WDR70: variants seen among roughly 807,000 people sequenced by gnomAD.
The protein encoded by WDR70 is WD repeat-containing protein 70.
In WDR70, 53 loss-of-function variants were observed where a neutral mutation model predicts 88.6. The ratio of observed to expected loss-of-function variants is 0.60; its 90% CI spans 0.48 to 0.75. WDR70 has a LOEUF of 0.75. Ranked by LOEUF, WDR70 falls within the 30% of genes least tolerant of loss-of-function variation. The pLI is 0.00. For missense variants in WDR70, 610 were observed against 823.2 expected, an observed-to-expected ratio of 0.74 and a Z score of 3.17; for synonymous variants, 280 against 270.0, an observed-to-expected ratio of 1.04 and a Z score of -0.36.
intron 10 of WDR70, among the ~76,000 whole-genome samples, chr5:37,638,755 C>T (rs1050308262): frequency 3.3e-5 from 5 of 152,174 alleles, no homozygotes; most frequent in African/African-American, 1.2e-4. Context: ...ACTGAATTAA[C>T]TCTGTTATTG....
At chr5:37,738,854 A>G (rs1325397332) in intron 17 of WDR70, among the ~76,000 whole-genome samples, 1 of 152,238 alleles carries the variant, frequency 6.6e-6, no homozygotes, top group Admixed American at 6.5e-5. Flanking sequence ...GATTTGAGAA[A>G]GACATTTGCT....
intron 13 of WDR70, among the ~76,000 whole-genome samples, chr5:37,719,349 A>ACCC (rs540373790): frequency 1.5e-5 from 2 of 129,098 alleles, no homozygotes; most frequent in African/African-American, 5.9e-5. Context: ...AGCAACAACA[A>ACCC]CCCCCCCCCC....
intron 10 of WDR70, among the ~76,000 whole-genome samples, chr5:37,668,140 ACTTT>A (rs1228347686): frequency 6.6e-6 from 1 of 152,176 alleles, no homozygotes; most frequent in Non-Finnish European, 1.5e-5. Context: ...CTCTGGAAGG[ACTTT>A]CTTTCTAAAT....
At chr5:37,604,374 C>T (rs929856695) in intron 9 of WDR70, among the ~76,000 whole-genome samples, 1 of 152,166 alleles carries the variant, frequency 6.6e-6, no homozygotes, top group Admixed American at 6.6e-5. Context: ...AAGCTGCTTA[C>T]CTCATCTTTG....
chr5:37,491,229 G>T (rs1581332713), intron 8 of WDR70, among the ~76,000 whole-genome samples: 2 of 152,156 alleles, frequency 1.3e-5, no homozygotes, highest in Admixed American at 1.3e-4. Flanking sequence ...TCTGTGCCTT[G>T]CTTTCTTCAG....
chr5:37,615,036 G>A (rs1744294993), intron 10 of WDR70, among the ~76,000 whole-genome samples: 1 of 151,988 alleles, frequency 6.6e-6, no homozygotes, highest in Non-Finnish European at 1.5e-5. Context: ...GATTAAGAAA[G>A]ATCTCTTGCA....
rs1745598553 is a variant in WDR70, at chr5:37,657,767, C to G, written c.1093-39888C>G. ...GTCATTAAGACCCTTGATAATCTGA[C>G]TCCAGTAAGTCTTCTCTGCCTTACC... On this transcript the variant is annotated intron_variant, in intron 10 of 17. Transcript: ENST00000265107. Among the ~76,000 whole-genome samples the G allele has an allele frequency of 1.3e-5, 2 of 152,322 alleles. 1 individual carries two copies. Among genetic ancestry groups the G allele is most frequent in the South Asian group, 4.1e-4 (2 of 4,826 alleles).
chr5:37,699,464 A>G (rs1747088966), intron 11 of WDR70, among the ~76,000 whole-genome samples: 1 of 151,276 alleles, frequency 6.6e-6, no homozygotes, highest in African/African-American at 2.4e-5. Flanking sequence ...TACCACATGT[A>G]TGCTGTATTC....
At chr5:37,501,016 G>T (rs1740392356) in intron 8 of WDR70, among the ~76,000 whole-genome samples, 1 of 152,138 alleles carries the variant, frequency 6.6e-6, no homozygotes, top group African/African-American at 2.4e-5. Flanking sequence ...TGGGATTACA[G>T]GCGTGAGCCA....
At chr5:37,636,421 T>C (rs1744966187) in intron 10 of WDR70, among the ~76,000 whole-genome samples, 1 of 152,198 alleles carries the variant, frequency 6.6e-6, no homozygotes, top group Admixed American at 6.5e-5. Context: ...TAATGGATGC[T>C]AAAATTAGTT....
intron 10 of WDR70, 26 bp downstream of exon 10, chr5:37,605,264 T>C: frequency 1.9e-6 from 3 of 1,580,280 alleles, no homozygotes; most frequent in Non-Finnish European, 2.6e-6. Context: ...TCTTAGAACA[T>C]GGCCACCTTA....
chr5:37,635,854 C>T (rs879161502), intron 10 of WDR70, among the ~76,000 whole-genome samples: 5 of 152,156 alleles, frequency 3.3e-5, no homozygotes, highest in South Asian at 2.1e-4. Context: ...ATCATGCGCG[C>T]GGTTATCCTC....
Position 37,472,552 on chromosome 5 carries a change from T to C in WDR70, c.687-7282T>C. Among the ~76,000 whole-genome samples the C allele has an allele frequency of 1.3e-5, 2 of 152,094 alleles. 1 individual carries two copies. Among genetic ancestry groups the C allele is most frequent in the Non-Finnish European group, 2.9e-5 (2 of 68,038 alleles). On this transcript the variant is annotated intron_variant, in intron 7 of 17. Coordinates refer to ENST00000265107, the MANE Select transcript of WDR70 (RefSeq NM_018034.4). ...TTCTGTTGCCCAGGCTGGAGTGCAGTGGCACGATCTTGGCTCACTGCAACC... is the reference window on the plus strand; with the variant it reads ...TTCTGTTGCCCAGGCTGGAGTGCAGCGGCACGATCTTGGCTCACTGCAACC...
At chr5:37,454,932 C>G (rs759082335) in intron 7 of WDR70, among the ~76,000 whole-genome samples, 7 of 152,126 alleles carry the variant, frequency 4.6e-5, no homozygotes, top group Non-Finnish European at 1.0e-4. Flanking sequence ...CCCTTAGTTT[C>G]CTTGCCTGTA....
At chr5:37,616,612 T>C (rs1744351732) in intron 10 of WDR70, among the ~76,000 whole-genome samples, 1 of 152,184 alleles carries the variant, frequency 6.6e-6, no homozygotes, top group Non-Finnish European at 1.5e-5. Context: ...ATTCCCTCCA[T>C]GATGCTCTGT....
At chr5:37,530,878 C>T (rs1188003357) in intron 9 of WDR70, among the ~76,000 whole-genome samples, 13 of 150,652 alleles carry the variant, frequency 8.6e-5, no homozygotes, top group Admixed American at 2.0e-4. Context: ...TTCCATGAGG[C>T]GTGACCTTAG....
chr5:37,500,518 A>G (rs765499939), intron 8 of WDR70, among the ~76,000 whole-genome samples: 6 of 152,108 alleles, frequency 3.9e-5, no homozygotes, highest in Admixed American at 3.3e-4. Flanking sequence ...ATTGTTTTCC[A>G]TAGAGGTTGT....
chr5:37,746,302 T>G (rs551988701), intron 17 of WDR70, among the ~76,000 whole-genome samples: 1 of 152,300 alleles, frequency 6.6e-6, no homozygotes, highest in East Asian at 1.9e-4. Context: ...TTTCTAGCAC[T>G]AAATGCCCAC....
chr5:37,498,091 GGATTACAGGCGT>G (rs1185590655), intron 8 of WDR70, among the ~76,000 whole-genome samples: 2 of 152,080 alleles, frequency 1.3e-5, no homozygotes, highest in Admixed American at 1.3e-4. Flanking sequence ...CAAAGTCCTG[GGATTACAGGCGT>G]GAGCCACTGC....
Sources: gnomAD v4.1 joint callset for allele counts (sites outside exome capture counted in the v4.1 genomes callset) on GRCh38, gnomAD v4.1.1 for gene constraint, MANE v1.5 for transcripts, NCBI Gene and HGNC (gene_info 2026-07-23, HGNC 2026-07-21) for gene names.